The following MRPS9 variants were observed in gnomAD, a reference collection of about 807,000 sequenced individuals.
MRPS9 encodes the protein mitochondrial ribosomal protein S9.
MRPS9 carries 45 observed loss-of-function variants against 59.9 expected under a neutral mutation model. The ratio of observed to expected loss-of-function variants is 0.75; its 90% CI spans 0.59 to 0.96. The LOEUF (loss-of-function observed/expected upper bound fraction) is 0.96. Among genes scored for constraint, MRPS9 ranks in the 40% least tolerant of loss-of-function variants. The probability of loss-of-function intolerance (pLI) is 0.00; values close to 1 mark genes in which losing one functional copy is unlikely to be tolerated. For missense variants in MRPS9, 473 were observed against 481.1 expected, an observed-to-expected ratio of 0.98 and a Z score of 0.16; for synonymous variants, 171 against 166.8, an observed-to-expected ratio of 1.03 and a Z score of -0.19.
intron 2 of MRPS9, among the ~76,000 whole-genome samples, chr2:105,060,968 G>A (rs915934908): frequency 2.0e-5 from 3 of 151,540 alleles, no homozygotes; most frequent in Middle Eastern, 3.4e-3. Flanking sequence ...AAAATTAGCC[G>A]GGCATGGTGG....
At chr2:105,079,785 A>G (rs1454634253) in intron 4 of MRPS9, among the ~76,000 whole-genome samples, 198 bp from the exon 5 acceptor site, 2 of 152,216 alleles carry the variant, frequency 1.3e-5, no homozygotes, top group African/African-American at 4.8e-5. Flanking sequence ...TTTTATGTTA[A>G]TGGTATGAAA....
chr2:105,042,066 A>G (rs1679511869), intron 1 of MRPS9, among the ~76,000 whole-genome samples: 1 of 150,042 alleles, frequency 6.7e-6, no homozygotes, highest in South Asian at 2.1e-4. Flanking sequence ...TTATTGCTAC[A>G]TAACAAATTA....
At chr2:105,091,216 C>T in intron 7 of MRPS9, 2 of 458,770 alleles carry the variant, frequency 4.4e-6, no homozygotes, top group African/African-American at 2.0e-5. Flanking sequence ...AGAAGAAATC[C>T]TAATGTTTAT....
At position 105,038,167 on chromosome 2, in the gene MRPS9, C is replaced by T; in HGVS notation, c.75C>T (p.Ala25=). 2 of 1,613,616 alleles carry T rather than the reference C, an allele frequency of 1.2e-6. No individual in the cohort carries two copies. The highest frequency in any genetic ancestry group is 2.2e-5 in the East Asian group (1 of 44,854). ...RLLLWGRGSL[A]RKQGLWKTAA... The stretch of plus-strand genomic sequence containing the variant: ...TTCTCTGGGGTAGGGGTAGCCTCGC[C>T]CGGAAGCAAGGCCTCTGGAAAACCG... The change falls in exon 1 of 11, where the codon GCC becomes GCT. Residue 25 remains alanine, a synonymous_variant. Coordinates refer to ENST00000258455, the MANE Select transcript of MRPS9 (RefSeq NM_182640.3).
intron 5 of MRPS9, among the ~76,000 whole-genome samples, chr2:105,083,946 T>A (rs1390997378): frequency 6.6e-6 from 1 of 152,106 alleles, no homozygotes; most frequent in East Asian, 1.9e-4. Flanking sequence ...ATATTGTCAT[T>A]GTAGGCATTA....
chr2:105,085,638 C>T (rs1473159208), intron 5 of MRPS9, among the ~76,000 whole-genome samples: 1 of 152,084 alleles, frequency 6.6e-6, no homozygotes, highest in Non-Finnish European at 1.5e-5. Context: ...AAATTAGGCA[C>T]CTTCTAAATT....
At chr2:105,074,643 ACTTAC>A in intron 4 of MRPS9, among the ~76,000 whole-genome samples, 1 of 152,302 alleles carries the variant, frequency 6.6e-6, no homozygotes, top group Non-Finnish European at 1.5e-5. Context: ...ATGGAGTTTA[ACTTAC>A]CAAGGACGTA....
intron 2 of MRPS9, among the ~76,000 whole-genome samples, chr2:105,050,718 G>A (rs1010464175): frequency 1.3e-4 from 20 of 152,116 alleles, no homozygotes; most frequent in Non-Finnish European, 2.6e-4. Flanking sequence ...GCTTTTGTCA[G>A]GAATGTAATA....
rs570798142 is a variant in MRPS9 at position 105,041,807 on chromosome 2, T to C, written c.135+3580T>C. On this transcript the variant is annotated intron_variant, in intron 1 of 10. Transcript: ENST00000258455. ...AAAGCCCTTTGGTAGGATAAACTGT[T>C]CCCTTTGAGATCTAATCCTGTCCTT... 6.4e-4 allele frequency among the ~76,000 whole-genome samples: 97 copies of C among 152,288 alleles called. 1 individual carries two copies. The South Asian group carries it at 0.019, about 30-fold the overall frequency.
chr2:105,041,349 TA>T (rs1304788882), intron 1 of MRPS9, among the ~76,000 whole-genome samples: 1 of 152,222 alleles, frequency 6.6e-6, no homozygotes, highest in Non-Finnish European at 1.5e-5. Flanking sequence ...GGTGTTTTCT[TA>T]ATTATTCTCT....
At chr2:105,094,021 C>CT (rs1680611615) in intron 9 of MRPS9, among the ~76,000 whole-genome samples, 1 of 152,178 alleles carries the variant, frequency 6.6e-6, no homozygotes, top group Non-Finnish European at 1.5e-5. Context: ...AACAACCAGC[C>CT]TTGGCACTTA....
chr2:105,038,543 A>AC lies in MRPS9; in HGVS notation c.135+319dup, dbSNP rs1679436622. 2.6e-5 allele frequency: 8 copies of AC among 311,014 alleles called. No individual in the cohort carries two copies. In the South Asian group the frequency reaches 3.0e-4, roughly 12 times the overall value. The allele number at this position is 311,014 out of a possible 1,614,324, so 19.3% of individuals were successfully genotyped here. ...CTAGGTCTGTGTTGGGTCCAGTCCTACCCTGCCCTGCTGTCTAGGGAGGAG... is the reference window on the plus strand; with the variant it reads ...CTAGGTCTGTGTTGGGTCCAGTCCTACCCCTGCCCTGCTGTCTAGGGAGGAG... On this transcript the variant is annotated intron_variant, in intron 1 of 10. Coordinates refer to ENST00000258455, the MANE Select transcript of MRPS9 (RefSeq NM_182640.3).
At chr2:105,087,372 C>T (rs1317555651) in intron 5 of MRPS9, among the ~76,000 whole-genome samples, 2 of 152,152 alleles carry the variant, frequency 1.3e-5, no homozygotes, top group Non-Finnish European at 2.9e-5. Context: ...ACTAGATTCT[C>T]TGTAGTTCTT....
At chr2:105,080,347 A>C (rs1680305361) in intron 5 of MRPS9, among the ~76,000 whole-genome samples, 1 of 152,206 alleles carries the variant, frequency 6.6e-6, no homozygotes, top group Non-Finnish European at 1.5e-5. Context: ...TAGTGTGTAC[A>C]TGTGCTTCCA....
chr2:105,065,300 G>C (rs1308220579), intron 2 of MRPS9, among the ~76,000 whole-genome samples: 3 of 152,188 alleles, frequency 2.0e-5, no homozygotes, highest in Admixed American at 2.0e-4. Flanking sequence ...GGACAAAGGA[G>C]AGTACATTAT....
At chr2:105,047,872 G>A (rs915539593) in intron 1 of MRPS9, among the ~76,000 whole-genome samples, 6 of 152,000 alleles carry the variant, frequency 3.9e-5, no homozygotes, top group African/African-American at 1.4e-4. Flanking sequence ...TAAAAGATAT[G>A]CGAGCCCTTT....
intron 1 of MRPS9, among the ~76,000 whole-genome samples, chr2:105,045,833 A>G (rs1679582135): frequency 6.6e-6 from 1 of 152,018 alleles, no homozygotes; most frequent in African/African-American, 2.4e-5. Context: ...AATGAGAATT[A>G]CCTCTAAGTA....
At chr2:105,060,318 G>A (rs1383314902) in intron 2 of MRPS9, among the ~76,000 whole-genome samples, 3 of 152,206 alleles carry the variant, frequency 2.0e-5, no homozygotes, top group Non-Finnish European at 2.9e-5. Flanking sequence ...GTCTTGCTCT[G>A]TTGCCCAGGC....
intron 2 of MRPS9, among the ~76,000 whole-genome samples, chr2:105,067,764 A>G: frequency 6.7e-6 from 1 of 148,170 alleles, no homozygotes; most frequent in East Asian, 2.0e-4. Flanking sequence ...GTATGTGTAC[A>G]TGTGTGCGTG....
Sources: allele counts gnomAD v4.1 joint callset (sites outside exome capture counted in the v4.1 genomes callset), GRCh38; gene constraint gnomAD v4.1.1; transcripts MANE v1.5; gene names NCBI Gene and HGNC (gene_info 2026-07-23, HGNC 2026-07-21).